Variants in OPHN1 observed in about 807,000 individuals in gnomAD.
OPHN1 encodes oligophrenin-1.
A neutral mutation model predicts 60.7 loss-of-function variants in OPHN1; 11 were observed. That is an observed-to-expected ratio of 0.18 (90% CI 0.11 to 0.30). The LOEUF (loss-of-function observed/expected upper bound fraction) is 0.30, where lower values mean the gene tolerates loss of function less well. Among genes scored for constraint, OPHN1 ranks in the 10% least tolerant of loss-of-function variants. OPHN1 has a pLI of 1.00. For missense variants in OPHN1, 449 were observed against 611.0 expected, an observed-to-expected ratio of 0.73 and a Z score of 2.80; for synonymous variants, 226 against 222.6, an observed-to-expected ratio of 1.02 and a Z score of -0.14.
At chrX:68,047,582 CAG>C (rs1022602203) in intron 24 of OPHN1, among the ~76,000 whole-genome samples, 5 of 111,056 alleles carry the variant, frequency 4.5e-5, no homozygotes, top group Non-Finnish European at 9.4e-5. Flanking sequence ...CTGGCAGTGA[CAG>C]GGAAAAAAAG....
rs1201875120 is a variant in OPHN1 at position 68,043,578 on chromosome X, C to A, written c.*3594G>T. Reference sequence around the variant, plus strand: ...TTCTTCTTTTACTACTTTATTTGTTCTAGTTATTACAGAATCAAAGAACTT... The same window carrying A: ...TTCTTCTTTTACTACTTTATTTGTTATAGTTATTACAGAATCAAAGAACTT... On this transcript the variant is annotated 3_prime_UTR_variant, in exon 25 of 25. Transcript: ENST00000355520. The A allele has an allele frequency of 9.0e-6, 1 of 110,649 alleles. No individual in the cohort carries two copies. The highest frequency in any genetic ancestry group is 3.3e-5 in the African/African-American group (1 of 30,407). The allele number at this position is 110,649 out of a possible 1,213,427, so 9.1% of individuals were successfully genotyped here. A position where few individuals can be genotyped will look rare whatever the true frequency, so the allele number is the denominator to read the frequency against.
At chrX:68,314,730 A>T (rs2147650127) in intron 2 of OPHN1, among the ~76,000 whole-genome samples, 1 of 111,165 alleles carries the variant, frequency 9.0e-6, no homozygotes, top group East Asian at 2.8e-4. Context: ...TCACACTTGT[A>T]ACCCCAGCAC....
At chrX:68,173,256 T>C (rs1243436909) in intron 15 of OPHN1, among the ~76,000 whole-genome samples, 2 of 111,378 alleles carry the variant, frequency 1.8e-5, no homozygotes, top group African/African-American at 6.5e-5. Context: ...GTACCCCTGT[T>C]TTCCCATCAA....
At chrX:68,273,170 G>A (rs2147592097) in intron 5 of OPHN1, among the ~76,000 whole-genome samples, 1 of 111,502 alleles carries the variant, frequency 9.0e-6, no homozygotes, top group African/African-American at 3.3e-5. Context: ...CAGCACTTTG[G>A]GAGGCTGAGT....
At chrX:68,173,349 C>T (rs1206067830) in intron 15 of OPHN1, among the ~76,000 whole-genome samples, 2 of 111,676 alleles carry the variant, frequency 1.8e-5, no homozygotes, top group African/African-American at 6.5e-5. Flanking sequence ...AACTGACACA[C>T]CTATATCTCC....
At chrX:68,210,380 C>T in intron 8 of OPHN1, 98 bp from the exon 9 acceptor site, 1 of 857,291 alleles carries the variant, frequency 1.2e-6, no homozygotes, top group Non-Finnish European at 1.7e-6. Flanking sequence ...TCCCTGCTTA[C>T]AGCATGTGCA....
chrX:68,215,356 G>A (rs927595020), intron 6 of OPHN1, among the ~76,000 whole-genome samples: 16 of 111,342 alleles, frequency 1.4e-4, no homozygotes, highest in African/African-American at 2.9e-4. Context: ...GTTAATATAC[G>A]TATTTTCAGA....
At chrX:68,201,738 A>G in intron 10 of OPHN1, 28 bp from the exon 11 acceptor site, 1 of 1,135,963 alleles carries the variant, frequency 8.8e-7, no homozygotes, top group East Asian at 3.0e-5. Flanking sequence ...TTAACAGGCA[A>G]TTTTTAAAAA....
rs368511181 is a variant in OPHN1, at chrX:68,210,330, T to C, written c.703-48A>G. 6.9e-6 allele frequency: 8 copies of C among 1,151,401 alleles called. No homozygotes were observed. The Admixed American group carries it at 1.1e-4, about 16-fold the overall frequency. 94.9% of individuals were successfully genotyped at this position (1,151,401 alleles called of 1,213,427 possible). On this transcript the variant is annotated intron_variant, in intron 8 of 24. Coordinates refer to ENST00000355520, the MANE Select transcript of OPHN1 (RefSeq NM_002547.3). The stretch of plus-strand genomic sequence containing the variant: ...ATCATTATTATCATCATCATTATCA[T>C]GAAAAAGTATTTCTTGGTCAGAGAC...
intron 2 of OPHN1, among the ~76,000 whole-genome samples, chrX:68,308,928 C>A: frequency 9.1e-6 from 1 of 109,345 alleles, no homozygotes; most frequent in Non-Finnish European, 1.9e-5. Flanking sequence ...TACAGCTGTG[C>A]GCCATGACAC....
At chrX:68,206,811 C>T in intron 9 of OPHN1, 138 bp from the exon 10 acceptor site, 1 of 508,263 alleles carries the variant, frequency 2.0e-6, no homozygotes, top group Non-Finnish European at 3.5e-6. Context: ...CCTGACCGCC[C>T]TCCTTCCATA....
chrX:68,294,128 A>G (rs138955435), intron 3 of OPHN1, among the ~76,000 whole-genome samples: 1 of 111,023 alleles, frequency 9.0e-6, no homozygotes, highest in African/African-American at 3.3e-5. Flanking sequence ...TTTAGTGGAC[A>G]CGCTACCTAT....
At chrX:68,370,531 A>G (rs1321553831) in intron 2 of OPHN1, among the ~76,000 whole-genome samples, 3 of 110,797 alleles carry the variant, frequency 2.7e-5, no homozygotes, top group Non-Finnish European at 3.8e-5. Flanking sequence ...AAGAGATGCT[A>G]GACAGTTACT....
chrX:68,231,517 A>G (rs776264653), intron 6 of OPHN1, among the ~76,000 whole-genome samples: 37 of 111,958 alleles, frequency 3.3e-4, no homozygotes, highest in African/African-American at 1.1e-3. Flanking sequence ...CGCAGCTTTA[A>G]TAACTGCCAA....
At chrX:68,375,195 T>C (rs1280740160) in intron 2 of OPHN1, among the ~76,000 whole-genome samples, 4 of 112,234 alleles carry the variant, frequency 3.6e-5, no homozygotes, top group Non-Finnish European at 5.6e-5. Context: ...TCTGTAATCA[T>C]GAAAAACTGA....
rs774064379 is a variant in OPHN1 at position 68,067,556 on chromosome X, G to A, written c.1835-3379C>T. ...TTAAACATCCCTTTGGGTTCATTAC[G>A]AAAAGTAATGAAAAATAGGCTCGTT... On this transcript the variant is annotated intron_variant, in intron 20 of 24. Transcript: ENST00000355520. Among the ~76,000 whole-genome samples the A allele has an allele frequency of 7.2e-5, 8 of 110,882 alleles. No homozygotes were observed. In the East Asian group the frequency reaches 1.1e-3, roughly 16 times the overall value.
chrX:68,079,574 C>A (rs1253719875), intron 19 of OPHN1, among the ~76,000 whole-genome samples: 1 of 111,840 alleles, frequency 8.9e-6, no homozygotes, highest in Non-Finnish European at 1.9e-5. Context: ...TAATGTTCTC[C>A]AGGATTATGT....
chrX:68,291,260 G>A (rs1309194504), intron 3 of OPHN1, among the ~76,000 whole-genome samples: 1 of 111,973 alleles, frequency 8.9e-6, no homozygotes, highest in East Asian at 2.8e-4. Context: ...TAATGAGGGA[G>A]AAAGAGTAAA....
chrX:68,169,469 C>T (rs955328420), intron 15 of OPHN1, among the ~76,000 whole-genome samples: 1 of 109,541 alleles, frequency 9.1e-6, no homozygotes, highest in East Asian at 2.8e-4. Context: ...GCCCGCATTG[C>T]CAAGTCAATC....
Sources: allele counts gnomAD v4.1 joint callset (sites outside exome capture counted in the v4.1 genomes callset), GRCh38; gene constraint gnomAD v4.1.1; transcripts MANE v1.5; gene names NCBI Gene and HGNC (gene_info 2026-07-23, HGNC 2026-07-21).